FAM124B: variants seen among roughly 807,000 people sequenced by gnomAD.
The protein encoded by FAM124B is family with sequence similarity 124 member B, also known as protein FAM124B.
FAM124B carries 18 observed loss-of-function variants against 19.7 expected under a neutral mutation model. That is an observed-to-expected ratio of 0.92 (90% CI 0.63 to 1.36). FAM124B has a LOEUF of 1.36. FAM124B is among the 40% of genes most tolerant of loss of function. FAM124B has a pLI of 0.00. For missense variants in FAM124B, 540 were observed against 553.3 expected, an observed-to-expected ratio of 0.98 and a Z score of 0.24; for synonymous variants, 223 against 225.2, an observed-to-expected ratio of 0.99 and a Z score of 0.09.
rs1342831605 is a variant in FAM124B, at chr2:224,379,571, T to A, written c.*2A>T. 1 of 1,525,716 alleles carries A rather than the reference T, an allele frequency of 6.6e-7. No homozygotes were observed. The allele number at this position is 1,525,716 out of a possible 1,614,324, so 94.5% of individuals were successfully genotyped here. A position where few individuals can be genotyped will look rare whatever the true frequency, so the allele number is the denominator to read the frequency against. ...GTTTTAGAAAACCACATTTATTTTA[T>A]GCTATATAAAGAATTCTTCTTCATC... is the stretch of plus-strand genomic sequence containing the variant. On this transcript the variant is annotated 3_prime_UTR_variant, in exon 2 of 2. Coordinates refer to ENST00000409685, the MANE Select transcript of FAM124B (RefSeq NM_001122779.2).
rs867913272 is a variant in FAM124B at position 224,380,159 on chromosome 2, C to T, written c.782G>A (p.Gly261Asp). The T allele has an allele frequency of 6.4e-7, 1 of 1,551,294 alleles. No individual in the cohort carries two copies. The highest frequency in any genetic ancestry group is 8.7e-7 in the Non-Finnish European group (1 of 1,146,726). ...LGVKNGILGA[G>D]MLPLGSRLTS... ...CAGCCTGGAGCCCAGGGGAAGCATG[C>T]CAGCTCCCAAGATGCCATTCTTAAC... is the stretch of plus-strand genomic sequence containing the variant. Residue 261 changes from glycine to aspartate, a missense_variant, in exon 2 of 2, where the codon GGC becomes GAC. Gly to Asp is a moderately conservative substitution (Grantham distance 94). Transcript: ENST00000409685.
At chr2:224,380,935 T>G (rs146380429) in intron 1 of FAM124B, among the ~76,000 whole-genome samples, 3 of 152,246 alleles carry the variant, frequency 2.0e-5, no homozygotes, top group South Asian at 4.1e-4. Flanking sequence ...TTGACTGCAC[T>G]CTCCCTCCAC....
rs1017203061 is a variant in FAM124B, at chr2:224,379,909, T to C, written c.1032A>G (p.Arg344=). Residue 344 remains arginine (R), a synonymous_variant, in exon 2 of 2, where the codon AGA becomes AGG. Coordinates refer to ENST00000409685, the MANE Select transcript of FAM124B (RefSeq NM_001122779.2). ...LSSHHLESGA[R]MKVLNRENSF... is the part of the protein sequence containing the mutation. ...TGTTTTCCCGGTTGAGGACCTTCAT[T>C]CTGGCCCCGGATTCAAGGTGATGAG... 3 of 1,551,906 alleles carry C rather than the reference T, an allele frequency of 1.9e-6. No individual in the cohort carries two copies. In the Admixed American group the frequency reaches 5.9e-5, roughly 30 times the overall value.
intron 1 of FAM124B, among the ~76,000 whole-genome samples, chr2:224,396,971 G>A (rs1226296054): frequency 6.6e-6 from 1 of 152,206 alleles, no homozygotes; most frequent in East Asian, 1.9e-4. Flanking sequence ...ACTTACAGAA[G>A]CCAGACTCGC....
At chr2:224,384,110 G>A (rs974618964) in intron 1 of FAM124B, among the ~76,000 whole-genome samples, 4 of 152,060 alleles carry the variant, frequency 2.6e-5, no homozygotes, top group South Asian at 2.1e-4. Flanking sequence ...GCCAGGAAGC[G>A]CCCTCCTGGG....
At position 224,379,988 on chromosome 2, in the gene FAM124B, C is replaced by T. The variant is rs375941958; in HGVS notation, c.953G>A (p.Gly318Asp). Residue 318 changes from glycine to aspartate, a missense_variant, in exon 2 of 2, where the codon GGC (glycine) becomes GAC (aspartate). Transcript: ENST00000409685. ...TGGGCTGCTGACCTGGAATGACCGGCCAGGGCTTTTCCACGAAGTGCCAGC... is the reference window on the plus strand; with the variant it reads ...TGGGCTGCTGACCTGGAATGACCGGTCAGGGCTTTTCCACGAAGTGCCAGC... The part of the protein sequence containing the change: ...RCAGTSWKSP[G>D]RSFQVSSPAM... The T allele has an allele frequency of 2.6e-6, 4 of 1,551,722 alleles. No individual in the cohort carries two copies. Among genetic ancestry groups the T allele is most frequent in the Non-Finnish European group, 2.6e-6 (3 of 1,147,012 alleles).
At chr2:224,380,619 G>C (rs192531541) in intron 1 of FAM124B, among the ~76,000 whole-genome samples, 1 of 152,198 alleles carries the variant, frequency 6.6e-6, no homozygotes. Context: ...TGTGGTTAAA[G>C]TTAAGATAAG....
At position 224,384,261 on chromosome 2, in the gene FAM124B, A is replaced by G. The variant is rs1013388756; in HGVS notation, c.733-4053T>C. Among the ~76,000 whole-genome samples the G allele has an allele frequency of 2.0e-5, 3 of 152,050 alleles. No homozygotes were observed. In the South Asian group the frequency reaches 6.2e-4, roughly 32 times the overall value. ...CTGAGGCCATGGGCTCCGGCACTCA[A>G]TTCCCCATCACATCTGCTCTTCAAC... On this transcript the variant is annotated intron_variant, in intron 1 of 1. Transcript: ENST00000409685.
At chr2:224,400,227 G>C in intron 1 of FAM124B, 2 of 418,028 alleles carry the variant, frequency 4.8e-6, no homozygotes, top group Non-Finnish European at 8.5e-6. Flanking sequence ...CCTGCACTTT[G>C]TGCACATGTA....
intron 1 of FAM124B, among the ~76,000 whole-genome samples, chr2:224,386,512 T>G (rs1347871931): frequency 6.6e-6 from 1 of 152,128 alleles, no homozygotes. Flanking sequence ...CATCATAGAG[T>G]TGCTGTGAAG....
At chr2:224,391,748 C>T (rs1419241222) in intron 1 of FAM124B, among the ~76,000 whole-genome samples, 1 of 152,122 alleles carries the variant, frequency 6.6e-6, no homozygotes, top group South Asian at 2.1e-4. Flanking sequence ...CCTTGCTTCC[C>T]GGGTGACTAT....
chr2:224,400,146 T>A (rs2106090392), intron 1 of FAM124B: 1 of 251,968 alleles, frequency 4.0e-6, no homozygotes, highest in Admixed American at 5.3e-5. Flanking sequence ...TGCAAGATGC[T>A]TAAAAATTAA....
rs140413541 is a variant in FAM124B, at chr2:224,379,731, T to C, written c.1210A>G (p.Thr404Ala). 652 of 1,551,582 alleles carry C rather than the reference T, an allele frequency of 4.2e-4. 1 individual carries two copies. In the African/African-American group the frequency reaches 7.5e-3, roughly 18 times the overall value. ...TTAAGGACACTGTTGTTTTTGGAGG[T>C]AGCCACCCCCAAGGAAGAGGCTGGC... ...CLPASSLGVA[T>A]SKNNSVLKER... Residue 404 changes from threonine (T) to alanine (A), a missense_variant, in exon 2 of 2, where the codon ACC (threonine) becomes GCC (alanine). Physicochemically the swap from Thr to Ala is moderately conservative, Grantham distance 58. Transcript: ENST00000409685.
chr2:224,380,250 A>C, intron 1 of FAM124B, 42 bp from the exon 2 acceptor site: 1 of 1,480,072 alleles, frequency 6.8e-7, no homozygotes, highest in Non-Finnish European at 9.0e-7. Flanking sequence ...CATAATTTCC[A>C]TTAACTAAGT....
In FAM124B at chr2:224,380,162, G is replaced by A; in HGVS notation, c.779C>T (p.Ala260Val). ...ELGVKNGILG[A>V]GMLPLGSRLT... ...CCTGGAGCCCAGGGGAAGCATGCCAGCTCCCAAGATGCCATTCTTAACACC... is the reference window on the plus strand; with the variant it reads ...CCTGGAGCCCAGGGGAAGCATGCCAACTCCCAAGATGCCATTCTTAACACC... Residue 260 changes from alanine (A) to valine (V), a missense_variant, in exon 2 of 2, where the codon GCT becomes GTT. Physicochemically the swap from Ala to Val is moderately conservative, Grantham distance 64. Coordinates refer to ENST00000409685, the MANE Select transcript of FAM124B (RefSeq NM_001122779.2). The A allele has an allele frequency of 3.9e-6, 6 of 1,551,314 alleles. No individual in the cohort carries two copies. Among genetic ancestry groups the A allele is most frequent in the Non-Finnish European group, 3.5e-6 (4 of 1,146,770 alleles).
chr2:224,390,723 CAG>C lies in FAM124B; in HGVS notation c.732+10312_732+10313del, dbSNP rs575551219. 6.0e-4 allele frequency among the ~76,000 whole-genome samples: 88 copies of C among 146,028 alleles called. 1 individual carries two copies. The highest frequency in any genetic ancestry group is 2.2e-3 in the African/African-American group (84 of 38,800). ...TTTTTTGTTTGTTTGTTTTTTAAGA[CAG>C]AGTCTCTCTCAGTCGCCCAGGCTGG... On this transcript the variant is annotated intron_variant, in intron 1 of 1. Transcript: ENST00000409685.
intron 1 of FAM124B, among the ~76,000 whole-genome samples, chr2:224,390,036 T>C (rs1312325275): frequency 6.6e-6 from 1 of 151,338 alleles, no homozygotes; most frequent in Non-Finnish European, 1.5e-5. Flanking sequence ...AAGAATTATC[T>C]CATCCAAAAT....
At chr2:224,383,716 A>C (rs1689759892) in intron 1 of FAM124B, among the ~76,000 whole-genome samples, 1 of 152,190 alleles carries the variant, frequency 6.6e-6, no homozygotes, top group African/African-American at 2.4e-5. Flanking sequence ...CCGAAATGTC[A>C]GCTGGGGTTT....
At position 224,401,619 on chromosome 2, in the gene FAM124B, A is replaced by G. The variant is rs749593542; in HGVS notation, c.150T>C (p.Pro50=). 3.1e-6 allele frequency: 5 copies of G among 1,614,088 alleles called. No homozygotes were observed. The highest frequency in any genetic ancestry group is 4.2e-6 in the Non-Finnish European group (5 of 1,180,038). Residue 50 remains proline (P), a synonymous_variant, in exon 1 of 2, where the codon CCT becomes CCC. Coordinates refer to ENST00000409685, the MANE Select transcript of FAM124B (RefSeq NM_001122779.2). The part of the protein sequence containing the change: ...RLFQVSERAS[P]VKYCEKSHSK... The stretch of plus-strand genomic sequence containing the variant: ...AATGGGACTTTTCACAGTATTTCAC[A>G]GGACTGGCCCGTTCAGACACCTGAA...
Sources: gnomAD v4.1 joint callset for allele counts (sites outside exome capture counted in the v4.1 genomes callset) on GRCh38, gnomAD v4.1.1 for gene constraint, MANE v1.5 for transcripts, NCBI Gene and HGNC (gene_info 2026-07-23, HGNC 2026-07-21) for gene names.